The following OR2AG2 variants were observed in gnomAD, a reference collection of about 807,000 sequenced individuals.
OR2AG2 encodes the protein olfactory receptor 2AG2.
For missense variants in OR2AG2, 390 were observed against 391.9 expected (o/e 1.00, Z 0.04); for synonymous variants, 167 against 157.1 (o/e 1.06, Z -0.47).
At position 6,766,928 on chromosome 11, in the gene OR2AG2, C is replaced by T. The variant is rs1847381425; in HGVS notation, c.*1079G>A. On this transcript the variant is annotated 3_prime_UTR_variant, in exon 2 of 2. Coordinates refer to ENST00000641124, the MANE Select transcript of OR2AG2 (RefSeq NM_001004490.2). The stretch of plus-strand genomic sequence containing the variant: ...ATTTCTCTCATTGTTATTGTACTCA[C>T]TTTAAAACTGGTACTTTCAATTCTA... The T allele has an allele frequency of 6.6e-6, 1 of 152,174 alleles. No homozygotes were observed. The highest frequency in any genetic ancestry group is 1.5e-5 in the Non-Finnish European group (1 of 68,028). 9.4% of individuals were successfully genotyped at this position (152,174 alleles called of 1,614,324 possible). A position where few individuals can be genotyped will look rare whatever the true frequency, so the allele number is the denominator to read the frequency against.
In OR2AG2 at chr11:6,768,428, A is replaced by G; in HGVS notation, c.530T>C (p.Leu177Pro). The change falls in exon 2 of 2, where the codon CTG (leucine) becomes CCG (proline). Residue 177 changes from leucine (L) to proline (P), a missense_variant. Leu to Pro is a moderately conservative substitution (Grantham distance 98, BLOSUM62 -3). Transcript: ENST00000641124. ...CAGCAAGGGTGGGATCTCACAGAGC[A>G]GATGCCTGATTTCCCAGGACACACA... ...PFCVSWEIRH[L>P]LCEIPPLLKL... The G allele has an allele frequency of 6.2e-7, 1 of 1,614,208 alleles. No individual in the cohort carries two copies. Among genetic ancestry groups the G allele is most frequent in the Non-Finnish European group, 8.5e-7 (1 of 1,180,026 alleles).
chr11:6,769,723 C>T (rs992449313), intron 1 of OR2AG2, among the ~76,000 whole-genome samples: 5 of 152,108 alleles, frequency 3.3e-5, no homozygotes, highest in Non-Finnish European at 7.3e-5. Flanking sequence ...ATTGTAGAAA[C>T]GGCCCAAAGC....
chr11:6,767,585 C>A lies in OR2AG2; in HGVS notation c.*422G>T. ...AGAATCTGCTTCAAAGGGAGTAGTCCTCCTCTGATGCTGAGAGGCTATTGG... is the reference window on the plus strand; with the variant it reads ...AGAATCTGCTTCAAAGGGAGTAGTCATCCTCTGATGCTGAGAGGCTATTGG... On this transcript the variant is annotated 3_prime_UTR_variant, in exon 2 of 2. Transcript: ENST00000641124. 6.0e-6 allele frequency: 1 copy of A among 167,584 alleles called. No homozygotes were observed. Among genetic ancestry groups the A allele is most frequent in the Non-Finnish European group, 1.3e-5 (1 of 78,316 alleles). 10.4% of individuals were successfully genotyped at this position (167,584 alleles called of 1,614,324 possible).
chr11:6,769,097 C>T lies in OR2AG2; in HGVS notation c.-140G>A. The T allele has an allele frequency of 1.7e-6, 1 of 582,936 alleles. No homozygotes were observed. The highest frequency in any genetic ancestry group is 3.0e-6 in the Non-Finnish European group (1 of 336,600). The allele number at this position is 582,936 out of a possible 1,614,324, so 36.1% of individuals were successfully genotyped here. On this transcript the variant is annotated 5_prime_UTR_variant, in exon 2 of 2. Transcript: ENST00000641124. ...CCATAATATGATATATTTTCCATTT[C>T]TTAGTATGCCTCTGATTTCTGAATG...
chr11:6,771,732 G>C lies in OR2AG2; in HGVS notation c.-648C>G, dbSNP rs1847450279. 1.3e-5 allele frequency: 2 copies of C among 152,224 alleles called. No homozygotes were observed. The highest frequency in any genetic ancestry group is 4.1e-4 in the South Asian group (2 of 4,828). The allele number at this position is 152,224 out of a possible 1,614,324, so 9.4% of individuals were successfully genotyped here. A position where few individuals can be genotyped will look rare whatever the true frequency, so the allele number is the denominator to read the frequency against. On this transcript the variant is annotated 5_prime_UTR_variant, in exon 1 of 2. Coordinates refer to ENST00000641124, the MANE Select transcript of OR2AG2 (RefSeq NM_001004490.2). ...GTAGGTGTGTGTATGGCTGTCTCTA[G>C]GATCAGAGATCAAAGGCTCCTCCAG...
At chr11:6,770,513 A>G (rs1847437213) in intron 1 of OR2AG2, among the ~76,000 whole-genome samples, 1 of 152,156 alleles carries the variant, frequency 6.6e-6, no homozygotes, top group African/African-American at 2.4e-5. Flanking sequence ...AACCCCCAGA[A>G]AAATACCCTG....
intron 1 of OR2AG2, among the ~76,000 whole-genome samples, chr11:6,771,254 A>T (rs984977969): frequency 1.3e-5 from 2 of 152,204 alleles, no homozygotes; most frequent in African/African-American, 4.8e-5. Context: ...CCTGCAGGGG[A>T]AAGGCACTTC....
In OR2AG2 at chr11:6,768,971, A is replaced by C. The variant is rs768393017; in HGVS notation, c.-14T>G. On this transcript the variant is annotated 5_prime_UTR_variant, in exon 2 of 2. Transcript: ENST00000641124. ...CCGGAGCTCCATGATGTGTTTTTTTAGTTGCCTAGAACCAAATATATTATC... is the reference window on the plus strand; with the variant it reads ...CCGGAGCTCCATGATGTGTTTTTTTCGTTGCCTAGAACCAAATATATTATC... 6.9e-6 allele frequency: 11 copies of C among 1,586,932 alleles called. No homozygotes were observed. The Admixed American group carries it at 1.9e-4, about 27-fold the overall frequency.
At chr11:6,771,001 G>A (rs566396176) in intron 1 of OR2AG2, among the ~76,000 whole-genome samples, 5 of 152,304 alleles carry the variant, frequency 3.3e-5, no homozygotes, top group Admixed American at 6.5e-5. Context: ...TACAGAGGAA[G>A]AGCTTCATTC....
intron 1 of OR2AG2, among the ~76,000 whole-genome samples, chr11:6,770,498 C>A (rs1409458686): frequency 6.6e-6 from 1 of 151,890 alleles, no homozygotes; most frequent in African/African-American, 2.4e-5. Flanking sequence ...GAAGTCTGGA[C>A]AAGAAACCCC....
chr11:6,766,994 T>A lies in OR2AG2; in HGVS notation c.*1013A>T, dbSNP rs536904960. The A allele has an allele frequency of 8.5e-5, 13 of 152,358 alleles. No homozygotes were observed. The highest frequency in any genetic ancestry group is 2.9e-4 in the African/African-American group (12 of 41,596). The allele number at this position is 152,358 out of a possible 1,614,324, so 9.4% of individuals were successfully genotyped here. On this transcript the variant is annotated 3_prime_UTR_variant, in exon 2 of 2. Coordinates refer to ENST00000641124, the MANE Select transcript of OR2AG2 (RefSeq NM_001004490.2). ...ATTTTAGTTTTAATTTTAGGCAATG[T>A]AAAAATGCCCATTTTCAAAAAGACT... is the stretch of plus-strand genomic sequence containing the variant.
rs1204509383 is a variant in OR2AG2 at position 6,766,850 on chromosome 11, T to C, written c.*1157A>G. The C allele has an allele frequency of 6.6e-6, 1 of 152,198 alleles. No homozygotes were observed. Among genetic ancestry groups the C allele is most frequent in the Non-Finnish European group, 1.5e-5 (1 of 68,014 alleles). The allele number at this position is 152,198 out of a possible 1,614,324, so 9.4% of individuals were successfully genotyped here. On this transcript the variant is annotated 3_prime_UTR_variant, in exon 2 of 2. Transcript: ENST00000641124. ...AATTGTTTTAATGTTTAAAAACACA[T>C]TCACATATCTGCAAGTCCACATTTT...
In OR2AG2 at chr11:6,767,874, A is replaced by T. The variant is rs1411487028; in HGVS notation, c.*133T>A. The T allele has an allele frequency of 3.3e-5, 25 of 758,466 alleles. No individual in the cohort carries two copies. The highest frequency in any genetic ancestry group is 1.3e-5 in the Non-Finnish European group (6 of 476,560). The allele number at this position is 758,466 out of a possible 1,614,324, so 47.0% of individuals were successfully genotyped here. On this transcript the variant is annotated 3_prime_UTR_variant, in exon 2 of 2. Transcript: ENST00000641124. ...ACAGTTGAAAATAAAAGTAAAATTT[A>T]AAAAATGTATCTATCATCTCAGAGT...
chr11:6,770,524 T>C (rs1041017396), intron 1 of OR2AG2, among the ~76,000 whole-genome samples: 1 of 152,144 alleles, frequency 6.6e-6, no homozygotes, highest in Non-Finnish European at 1.5e-5. Context: ...AAATACCCTG[T>C]ATAAAACTGT....
rs1444054091 is a variant in OR2AG2, at chr11:6,769,254, A to G, written c.-297T>C. The G allele has an allele frequency of 2.7e-5, 8 of 299,796 alleles. No homozygotes were observed. The East Asian group carries it at 4.6e-4, about 17-fold the overall frequency. The allele number at this position is 299,796 out of a possible 1,614,324, so 18.6% of individuals were successfully genotyped here. ...CCCAAGCAAACATCTTTGTAGATAG[A>G]TGAAAGCATCTCTTTCTTCACAATG... is the stretch of plus-strand genomic sequence containing the variant. On this transcript the variant is annotated 5_prime_UTR_variant, in exon 2 of 2. Coordinates refer to ENST00000641124, the MANE Select transcript of OR2AG2 (RefSeq NM_001004490.2).
At position 6,765,931 on chromosome 11, in the gene OR2AG2, A is replaced by G. The variant is rs1463233984; in HGVS notation, c.*2076T>C. The G allele has an allele frequency of 1.3e-5, 2 of 152,204 alleles. No individual in the cohort carries two copies. The highest frequency in any genetic ancestry group is 2.9e-5 in the Non-Finnish European group (2 of 68,012). 9.4% of individuals were successfully genotyped at this position (152,204 alleles called of 1,614,324 possible). Reference sequence around the variant, plus strand: ...CAATTCCATAAAGTATACATATTTCAAAACATCATGTTTTACTACATTAAG... The same window carrying G: ...CAATTCCATAAAGTATACATATTTCGAAACATCATGTTTTACTACATTAAG... On this transcript the variant is annotated 3_prime_UTR_variant, in exon 2 of 2. Coordinates refer to ENST00000641124, the MANE Select transcript of OR2AG2 (RefSeq NM_001004490.2).
Position 6,768,287 on chromosome 11 carries a change from G to GTGAA in OR2AG2, c.667_670dup (p.Thr224IlefsTer10). On this transcript the variant is annotated frameshift_variant, in exon 2 of 2. Transcript: ENST00000641124. LOFTEE classifies it low-confidence loss of function (END_TRUNC). ...CTCATTTGATGGCATACGAAGCACA[G>GTGAA]TGAATAGGACTAGTGTGTAGGAGGC... The GTGAA allele has an allele frequency of 6.2e-7, 1 of 1,614,134 alleles. No homozygotes were observed. The highest frequency in any genetic ancestry group is 1.7e-5 in the Admixed American group (1 of 60,002).
Position 6,768,836 on chromosome 11 carries a change from C to A in OR2AG2, c.122G>T (p.Ser41Ile). 1 of 1,614,116 alleles carries A rather than the reference C, an allele frequency of 6.2e-7. No homozygotes were observed. The change falls in exon 2 of 2, where the codon AGC becomes ATC. Residue 41 changes from serine (S) to isoleucine (I), a missense_variant. Transcript: ENST00000641124. ...GATGGCCAGGAGCAGCAGACCATTG[C>A]TGGTCAGTGCCAACATGTATAGGAT... Reference protein sequence around the residue: ...FTILYMLALTSNGLLLLAITI... With the variant: ...FTILYMLALTINGLLLLAITI...
In OR2AG2 at chr11:6,767,789, A is replaced by T; in HGVS notation, c.*218T>A. The stretch of plus-strand genomic sequence containing the variant: ...GGTTATTTTTATAACATGGGTTTCC[A>T]AAGTCAGGATGATGTGTGCCAAATG... On this transcript the variant is annotated 3_prime_UTR_variant, in exon 2 of 2. Coordinates refer to ENST00000641124, the MANE Select transcript of OR2AG2 (RefSeq NM_001004490.2). 2 of 519,590 alleles carry T rather than the reference A, an allele frequency of 3.8e-6. No homozygotes were observed. Among genetic ancestry groups the T allele is most frequent in the South Asian group, 7.1e-5 (2 of 28,078 alleles). The allele number at this position is 519,590 out of a possible 1,614,324, so 32.2% of individuals were successfully genotyped here.
Sources: allele counts gnomAD v4.1 joint callset (sites outside exome capture counted in the v4.1 genomes callset), GRCh38; gene constraint gnomAD v4.1.1; transcripts MANE v1.5; gene names NCBI Gene and HGNC (gene_info 2026-07-23, HGNC 2026-07-21).